The following GRM3 variants were observed in gnomAD, a reference collection of about 807,000 sequenced individuals.
GRM3 encodes metabotropic glutamate receptor 3.
GRM3 carries 26 observed loss-of-function variants against 70.5 expected under a neutral mutation model. The ratio of observed to expected loss-of-function variants is 0.37; its 90% CI spans 0.27 to 0.51. The LOEUF (loss-of-function observed/expected upper bound fraction) is 0.51. Among genes scored for constraint, GRM3 ranks in the 20% least tolerant of loss-of-function variants. GRM3 has a pLI of 0.93. For missense variants in GRM3, 859 were observed against 1,123.8 expected, an observed-to-expected ratio of 0.76 and a Z score of 3.37; for synonymous variants, 443 against 434.9, an observed-to-expected ratio of 1.02 and a Z score of -0.23.
intron 1 of GRM3, among the ~76,000 whole-genome samples, chr7:86,656,392 C>T (rs1390681034): frequency 6.6e-6 from 1 of 151,240 alleles, no homozygotes; most frequent in African/African-American, 2.4e-5. Context: ...GCTCAGCCTC[C>T]TGAGTAATTC....
intron 3 of GRM3, among the ~76,000 whole-genome samples, chr7:86,814,416 C>G (rs1289459358): frequency 6.6e-6 from 1 of 151,676 alleles, no homozygotes; most frequent in Non-Finnish European, 1.5e-5. Context: ...TCCAGTGTAT[C>G]ATTCTTATGC....
rs1797229156 is a variant in GRM3, at chr7:86,786,001, A to G, written c.469-260A>G. ...TAGAGTCTAGCACAGAGTATAGAAGAGAGTGTGGTGCCCTTCTCATTTCTC... is the reference window on the plus strand; with the variant it reads ...TAGAGTCTAGCACAGAGTATAGAAGGGAGTGTGGTGCCCTTCTCATTTCTC... On this transcript the variant is annotated intron_variant, in intron 2 of 5. Coordinates refer to ENST00000361669, the MANE Select transcript of GRM3 (RefSeq NM_000840.3). The surrounding 1 kb of genome is among the most constrained non-coding windows in gnomAD (Gnocchi z 6.0). 1 of 438,148 alleles carries G rather than the reference A, an allele frequency of 2.3e-6. No individual in the cohort carries two copies. 27.1% of individuals were successfully genotyped at this position (438,148 alleles called of 1,614,324 possible). A position where few individuals can be genotyped will look rare whatever the true frequency, so the allele number is the denominator to read the frequency against.
At chr7:86,827,354 G>A (rs1238856877) in intron 3 of GRM3, among the ~76,000 whole-genome samples, 1 of 151,964 alleles carries the variant, frequency 6.6e-6, no homozygotes, top group Non-Finnish European at 1.5e-5. Context: ...AGAATTTAGG[G>A]GCATTAAAAC....
intron 3 of GRM3, among the ~76,000 whole-genome samples, chr7:86,803,616 C>A (rs1797727937): frequency 6.6e-6 from 1 of 152,290 alleles, no homozygotes; most frequent in East Asian, 1.9e-4. Flanking sequence ...GCCCTCCCAG[C>A]CTTCTACTTT....
At chr7:86,849,400 AG>A in intron 4 of GRM3, among the ~76,000 whole-genome samples, 1 of 152,132 alleles carries the variant, frequency 6.6e-6, no homozygotes, top group East Asian at 1.9e-4. Flanking sequence ...CAAGGCCTAA[AG>A]AATTATGCCA....
intron 5 of GRM3, among the ~76,000 whole-genome samples, chr7:86,855,437 G>A (rs1347823454): frequency 6.6e-6 from 1 of 152,086 alleles, no homozygotes; most frequent in Non-Finnish European, 1.5e-5. Context: ...CTTGCTCATG[G>A]TAATTGTTCA....
intron 2 of GRM3, among the ~76,000 whole-genome samples, chr7:86,770,529 C>G (rs911853573): frequency 6.6e-6 from 1 of 152,050 alleles, no homozygotes; most frequent in Non-Finnish European, 1.5e-5. Flanking sequence ...CAGTAAATTT[C>G]ACAGGTTTTA....
chr7:86,788,858 T>G (rs1797336518), intron 3 of GRM3, among the ~76,000 whole-genome samples: 1 of 152,224 alleles, frequency 6.6e-6, no homozygotes, highest in Non-Finnish European at 1.5e-5. Flanking sequence ...TCTAGTTCCT[T>G]TCTTACTTTT....
chr7:86,745,395 C>T (rs1796078531), intron 1 of GRM3, among the ~76,000 whole-genome samples: 5 of 152,010 alleles, frequency 3.3e-5, no homozygotes, highest in Admixed American at 3.3e-4. Context: ...AGAATACCAC[C>T]CTCCAAATCT....
intron 2 of GRM3, among the ~76,000 whole-genome samples, chr7:86,778,762 G>A (rs902507227): frequency 3.8e-4 from 58 of 152,030 alleles, no homozygotes; most frequent in African/African-American, 7.7e-4. Context: ...ATAAAAAGCC[G>A]TATACTAAAA....
chr7:86,694,529 G>GAAAAAAAA (rs71523715), intron 1 of GRM3, among the ~76,000 whole-genome samples: 1 of 69,342 alleles, frequency 1.4e-5, no homozygotes, highest in Admixed American at 2.0e-4. Flanking sequence ...AAAAAAAAAA[G>GAAAAAAAA]AAAAGAAAGA....
intron 3 of GRM3, among the ~76,000 whole-genome samples, chr7:86,809,341 C>T (rs1034995411): frequency 6.6e-6 from 1 of 152,048 alleles, no homozygotes; most frequent in Non-Finnish European, 1.5e-5. Context: ...CCTATCCAGA[C>T]TTCCCATCAT....
At chr7:86,854,589 G>C (rs905341489) in intron 5 of GRM3, among the ~76,000 whole-genome samples, 2 of 152,132 alleles carry the variant, frequency 1.3e-5, no homozygotes, top group Non-Finnish European at 2.9e-5. Context: ...ATGATTCCCA[G>C]ATATTTGTAT....
At chr7:86,720,159 CA>C (rs1251140252) in intron 1 of GRM3, among the ~76,000 whole-genome samples, 1 of 151,804 alleles carries the variant, frequency 6.6e-6, no homozygotes, top group Non-Finnish European at 1.5e-5. Flanking sequence ...ATGATAAAGT[CA>C]AATAAGTCAG....
intron 3 of GRM3, among the ~76,000 whole-genome samples, chr7:86,809,115 C>A (rs1042980087): frequency 6.6e-6 from 1 of 152,012 alleles, no homozygotes; most frequent in Non-Finnish European, 1.5e-5. Context: ...ACTGAGGATT[C>A]CCCCGCCATT....
chr7:86,655,190 T>A (rs919540547), intron 1 of GRM3, among the ~76,000 whole-genome samples: 9 of 152,208 alleles, frequency 5.9e-5, no homozygotes, highest in Admixed American at 3.3e-4. Context: ...CCTGAGTGTC[T>A]TTGTAGTATG....
intron 5 of GRM3, among the ~76,000 whole-genome samples, chr7:86,857,261 G>A (rs1030808107): frequency 4.0e-5 from 6 of 151,848 alleles, no homozygotes; most frequent in African/African-American, 1.2e-4. Context: ...ATGACACTAC[G>A]TAGTAGCCTG....
chr7:86,796,189 G>GT (rs1401234468), intron 3 of GRM3, among the ~76,000 whole-genome samples: 5 of 152,122 alleles, frequency 3.3e-5, no homozygotes, highest in Non-Finnish European at 7.4e-5. Context: ...GGTTTTTATA[G>GT]TTTTGGGGTT....
intron 1 of GRM3, among the ~76,000 whole-genome samples, chr7:86,673,853 T>C (rs1231869264): frequency 1.3e-5 from 2 of 152,176 alleles, no homozygotes. Flanking sequence ...CCATACTTAA[T>C]CATTCTCTAA....
Sources: gnomAD v4.1 joint callset for allele counts (sites outside exome capture counted in the v4.1 genomes callset) on GRCh38, gnomAD v4.1.1 for gene constraint, Gnocchi (gnomAD v3.1) non-coding constraint, MANE v1.5 for transcripts, NCBI Gene and HGNC (gene_info 2026-07-23, HGNC 2026-07-21) for gene names.